The following CASK variants were observed in gnomAD, a reference collection of about 807,000 sequenced individuals.
The protein encoded by CASK is peripheral plasma membrane protein CASK.
Under a neutral mutation model 82.9 loss-of-function variants are expected in CASK, and 4 were observed. That is an observed-to-expected ratio of 0.05 (90% CI 0.02 to 0.11). CASK has a LOEUF of 0.11. Ranked by LOEUF, CASK falls within the 10% of genes least tolerant of loss-of-function variation. The pLI is 1.00. For missense variants in CASK, 358 were observed against 720.9 expected, an observed-to-expected ratio of 0.50 and a Z score of 5.76; for synonymous variants, 259 against 253.5, an observed-to-expected ratio of 1.02 and a Z score of -0.20.
chrX:41,552,852 G>A (rs1398534388), intron 21 of CASK: 1 of 112,004 alleles, frequency 8.9e-6, no homozygotes, highest in African/African-American at 3.2e-5. Flanking sequence ...ATAGATAAAA[G>A]CAGGTAGAAA....
rs137852820 is a variant in CASK at position 41,589,562 on chromosome X, G to A, written c.1186C>T (p.Pro396Ser). The change falls in exon 13 of 27, where the codon CCA becomes TCA. Residue 396 changes from proline to serine, a missense_variant. By Grantham distance (74) the Pro-to-Ser change is moderately conservative (BLOSUM62 -1). Coordinates refer to ENST00000378163, the MANE Select transcript of CASK (RefSeq NM_001367721.1). ...LYDKINTKSS[P>S]QIRNPPSDAV... ...TCGCTTGGAGGATTCCTGATTTGTG[G>A]TGAAGACTTTGTGTTAATTTTGTCA... 70 of 1,202,665 alleles carry A rather than the reference G, an allele frequency of 5.8e-5. No homozygotes were observed. The African/African-American group carries it at 1.0e-3, about 17-fold the overall frequency.
chrX:41,729,090 T>C (rs889835233), intron 5 of CASK: 1 of 123,554 alleles, frequency 8.1e-6, no homozygotes, highest in African/African-American at 3.2e-5. Flanking sequence ...GTTAATTTTT[T>C]GTGAAATAAA....
At chrX:41,854,340 T>G (rs1314652142) in intron 1 of CASK, among the ~76,000 whole-genome samples, 2 of 108,631 alleles carry the variant, frequency 1.8e-5, no homozygotes, top group Admixed American at 1.9e-4. Context: ...AAATATAGAT[T>G]TGTGTGTGTG....
rs199560653 is a variant in CASK, at chrX:41,524,044, GA to G, written c.2521-11del. ...TCAGGACCTTCAGTGCCTGTGTTAAGAAAAAAAAAAAAAATCCCGACTTAAA... is the reference window on the plus strand; with the variant it reads ...TCAGGACCTTCAGTGCCTGTGTTAAGAAAAAAAAAAAAATCCCGACTTAAA... On this transcript the variant is annotated splice_polypyrimidine_tract_variant and intron_variant, in intron 25 of 26. Coordinates refer to ENST00000378163, the MANE Select transcript of CASK (RefSeq NM_001367721.1). 58,869 of 744,646 alleles carry G rather than the reference GA, an allele frequency of 0.079. No homozygotes were observed. Among genetic ancestry groups the G allele is most frequent in the East Asian group, 0.12 (2,289 of 19,321 alleles). The allele number at this position is 744,646 out of a possible 1,213,427, so 61.4% of individuals were successfully genotyped here. A position where few individuals can be genotyped will look rare whatever the true frequency, so the allele number is the denominator to read the frequency against.
intron 12 of CASK, among the ~76,000 whole-genome samples, chrX:41,591,615 C>T (rs2065745668): frequency 1.8e-5 from 2 of 111,176 alleles, no homozygotes; most frequent in African/African-American, 6.6e-5. Context: ...GCTGGGATCA[C>T]AGGCGCGTGC....
At chrX:41,713,230 T>A (rs896329008) in intron 5 of CASK, among the ~76,000 whole-genome samples, 2 of 111,960 alleles carry the variant, frequency 1.8e-5, no homozygotes, top group African/African-American at 6.5e-5. Flanking sequence ...GAGGGTATAC[T>A]GTGAAGGAAC....
At chrX:41,617,596 CAG>C (rs753446128) in intron 11 of CASK, among the ~76,000 whole-genome samples, 35 of 112,090 alleles carry the variant, frequency 3.1e-4, no homozygotes, top group African/African-American at 9.7e-4. Flanking sequence ...GTATGACAAA[CAG>C]AACCACAGAA....
chrX:41,764,710 C>G (rs1408915786), intron 3 of CASK, among the ~76,000 whole-genome samples: 1 of 111,832 alleles, frequency 8.9e-6, no homozygotes, highest in Non-Finnish European at 1.9e-5. Flanking sequence ...CTGATCTATC[C>G]TAGCCATCAA....
rs960549116 is a variant in CASK, at chrX:41,557,252, G to A, written c.1738-152C>T. On this transcript the variant is annotated intron_variant, in intron 18 of 26. Coordinates refer to ENST00000378163, the MANE Select transcript of CASK (RefSeq NM_001367721.1). ...ACTGACTTGCTTGCATGATTTCACA[G>A]AAGTATGAAAAAAATTTTGCAGTTC... 6 of 509,253 alleles carry A rather than the reference G, an allele frequency of 1.2e-5. No homozygotes were observed. The African/African-American group carries it at 1.4e-4, about 12-fold the overall frequency. The allele number at this position is 509,253 out of a possible 1,213,427, so 42.0% of individuals were successfully genotyped here.
intron 8 of CASK, among the ~76,000 whole-genome samples, chrX:41,659,628 T>C (rs2066998724): frequency 8.9e-6 from 1 of 111,893 alleles, no homozygotes; most frequent in African/African-American, 3.3e-5. Flanking sequence ...AATCAAAAAG[T>C]ACTGTTTCAC....
chrX:41,708,381 G>A (rs1461549598), intron 5 of CASK, among the ~76,000 whole-genome samples: 2 of 111,907 alleles, frequency 1.8e-5, no homozygotes, highest in Non-Finnish European at 3.8e-5. Context: ...AAAAGATACA[G>A]TAATAAAAAC....
chrX:41,749,404 T>A (rs929474147), intron 3 of CASK, among the ~76,000 whole-genome samples: 3 of 91,606 alleles, frequency 3.3e-5, no homozygotes, highest in East Asian at 6.9e-4. Context: ...TTTTTTTTTT[T>A]AGACAGAGTC....
chrX:41,892,988 A>G (rs182881075), intron 1 of CASK, among the ~76,000 whole-genome samples: 41 of 112,302 alleles, frequency 3.7e-4, no homozygotes, highest in Admixed American at 2.5e-3. Context: ...TACCAAATCA[A>G]TTATGAGACA....
chrX:41,522,086 C>G (rs1381876710), intron 26 of CASK: 1 of 111,606 alleles, frequency 9.0e-6, no homozygotes, highest in Non-Finnish European at 1.9e-5. Context: ...GCCGTAGTAC[C>G]CAGTACTGGC....
intron 2 of CASK, among the ~76,000 whole-genome samples, chrX:41,814,227 A>G (rs1456915174): frequency 9.0e-6 from 1 of 111,628 alleles, no homozygotes; most frequent in Non-Finnish European, 1.9e-5. Context: ...ATTTGACCCA[A>G]CCATCCCATT....
chrX:41,829,276 C>T (rs977861476), intron 2 of CASK, among the ~76,000 whole-genome samples: 54 of 111,073 alleles, frequency 4.9e-4, no homozygotes, highest in Non-Finnish European at 1.5e-4. Flanking sequence ...ATCATGTCCC[C>T]TCCCATTCAC....
At chrX:41,913,873 G>A (rs754508106) in intron 1 of CASK, among the ~76,000 whole-genome samples, 3 of 112,024 alleles carry the variant, frequency 2.7e-5, no homozygotes, top group East Asian at 2.8e-4. Context: ...TCAGAAGGGG[G>A]CTGCCTAACA....
intron 26 of CASK, among the ~76,000 whole-genome samples, chrX:41,523,716 G>A (rs1262640661): frequency 8.9e-6 from 1 of 112,242 alleles, no homozygotes; most frequent in Non-Finnish European, 1.9e-5. Context: ...TAGGCTGGCA[G>A]CCCTGGAGGT....
chrX:41,528,686 G>C (rs2064749924), intron 25 of CASK, among the ~76,000 whole-genome samples: 2 of 112,144 alleles, frequency 1.8e-5, no homozygotes, highest in African/African-American at 6.5e-5. Flanking sequence ...TAAATTGTCT[G>C]TAAGATACAG....
Sources: allele counts gnomAD v4.1 joint callset (sites outside exome capture counted in the v4.1 genomes callset), GRCh38; gene constraint gnomAD v4.1.1; transcripts MANE v1.5; gene names NCBI Gene and HGNC (gene_info 2026-07-23, HGNC 2026-07-21).